The following DYSF variants were observed in gnomAD, a reference collection of about 807,000 sequenced individuals.
DYSF encodes dystrophy-associated fer-1-like 1.
In DYSF, 212 loss-of-function variants were observed where a neutral mutation model predicts 274.9. That is an observed-to-expected ratio of 0.77 (90% CI 0.69 to 0.86). The LOEUF (loss-of-function observed/expected upper bound fraction) is 0.86. Ranked by LOEUF, DYSF falls within the 40% of genes least tolerant of loss-of-function variation. The pLI is 0.00. For synonymous variants in DYSF, 1,091 were observed against 1,078.7 expected (o/e 1.01, Z -0.22); for missense variants, 2,666 against 2,783.2 (o/e 0.96, Z 0.95).
intron 52 of DYSF, 75 bp from the exon 53 acceptor site, chr2:71,678,982 C>G (rs1639904729): frequency 4.2e-6 from 6 of 1,424,762 alleles, no homozygotes; most frequent in Non-Finnish European, 5.9e-6. Flanking sequence ...TTTCCTGAAC[C>G]TGCCCTGCCT....
chr2:71,618,961 C>T (rs532242272), intron 40 of DYSF, among the ~76,000 whole-genome samples: 62 of 151,904 alleles, frequency 4.1e-4, no homozygotes, highest in Non-Finnish European at 7.9e-4. Context: ...CCTGCTGCTC[C>T]AGTTATAGTC....
chr2:71,609,804 G>C lies in DYSF; in HGVS notation c.3958-1441G>C, dbSNP rs1338855720. 4.6e-5 allele frequency among the ~76,000 whole-genome samples: 7 copies of C among 152,184 alleles called. 1 individual carries two copies. The highest frequency in any genetic ancestry group is 4.6e-4 in the Admixed American group (7 of 15,286). ...GTGAAGTGATTCATGGAGGTGGGGG[G>C]AAGCTGATATCTTTCTCTGCTTTGA... On this transcript the variant is annotated intron_variant, in intron 36 of 55. Coordinates refer to ENST00000410020, the MANE Select transcript of DYSF (RefSeq NM_001130987.2).
At chr2:71,650,301 C>G (rs1450668802) in intron 42 of DYSF, among the ~76,000 whole-genome samples, 2 of 152,062 alleles carry the variant, frequency 1.3e-5, no homozygotes, top group East Asian at 3.9e-4. Context: ...GTCAATACAG[C>G]GAAACTCTGT....
At chr2:71,670,074 C>T (rs2095092648) in intron 51 of DYSF, among the ~76,000 whole-genome samples, 1 of 152,220 alleles carries the variant, frequency 6.6e-6, no homozygotes, top group Admixed American at 6.5e-5. Flanking sequence ...ATTCATGGCA[C>T]TACCGTGGTC....
intron 30 of DYSF, among the ~76,000 whole-genome samples, chr2:71,585,201 A>G (rs977352608): frequency 2.0e-5 from 3 of 152,240 alleles, no homozygotes; most frequent in African/African-American, 4.8e-5. Context: ...GACGCACAGG[A>G]CAGCCTCATA....
chr2:71,466,857 G>A lies in DYSF; in HGVS notation c.15G>A (p.Leu5=), dbSNP rs1363671337. 8 of 1,542,108 alleles carry A rather than the reference G, an allele frequency of 5.2e-6. No individual in the cohort carries two copies. The South Asian group carries it at 8.4e-5, about 16-fold the overall frequency. The change falls in exon 1 of 56, where the codon CTG becomes CTA. Residue 5 remains leucine, a synonymous_variant. Transcript: ENST00000410020. The part of the protein sequence containing the change: MLCC[L]LVRASNLPSA... ...GCTGCCCAGCCATGCTGTGCTGCCT[G>A]CTGGTGAGGGCCAGCAACCTCCCCA...
Position 71,660,550 on chromosome 2 carries a change from C to T in DYSF, c.4912-10C>T, listed in dbSNP as rs1372625328. 1.9e-6 allele frequency: 3 copies of T among 1,611,856 alleles called. No homozygotes were observed. Among genetic ancestry groups the T allele is most frequent in the South Asian group, 1.1e-5 (1 of 91,032 alleles). ...GTGTTTTCACAGAAGTGTTTTGTCTCCTCCTCCAGTGTGATCCTTACATCA... is the reference window on the plus strand; with the variant it reads ...GTGTTTTCACAGAAGTGTTTTGTCTTCTCCTCCAGTGTGATCCTTACATCA... On this transcript the variant is annotated splice_polypyrimidine_tract_variant and intron_variant, in intron 44 of 55. Transcript: ENST00000410020.
intron 53 of DYSF, 128 bp from the exon 54 acceptor site, chr2:71,680,873 T>C (rs560268621): frequency 3.8e-6 from 3 of 779,264 alleles, no homozygotes; most frequent in African/African-American, 3.5e-5. Context: ...GCTGCTTTTA[T>C]GTTCAGAAAC....
Position 71,686,538 on chromosome 2 carries a change from T to C in DYSF, c.*46T>C. On this transcript the variant is annotated 3_prime_UTR_variant, in exon 56 of 56. Transcript: ENST00000410020. ...AGGGGCCGTGGGGTCCCCTCCAGCA[T>C]GGGACTGGCCTGCCTCCTCCGCCCA... 1 of 1,611,242 alleles carries C rather than the reference T, an allele frequency of 6.2e-7. No individual in the cohort carries two copies. The highest frequency in any genetic ancestry group is 8.5e-7 in the Non-Finnish European group (1 of 1,177,880).
At chr2:71,618,331 GGT>G (rs2093976074) in intron 40 of DYSF, among the ~76,000 whole-genome samples, 3 of 19,390 alleles carry the variant, frequency 1.5e-4, no homozygotes, top group Non-Finnish European at 2.6e-4. Context: ...GTAGAGATGG[GGT>G]GTGTGTGTGG....
chr2:71,492,162 T>G (rs1021392460), intron 3 of DYSF, among the ~76,000 whole-genome samples: 1 of 152,244 alleles, frequency 6.6e-6, no homozygotes, highest in Non-Finnish European at 1.5e-5. Context: ...TTCTTTTGTC[T>G]TTCTCTAGAC....
chr2:71,659,836 T>A (rs950647134), intron 44 of DYSF, among the ~76,000 whole-genome samples: 4 of 151,990 alleles, frequency 2.6e-5, no homozygotes, highest in African/African-American at 9.7e-5. Flanking sequence ...GAGGCAGGGG[T>A]GGGGCCTGAT....
At chr2:71,539,559 G>C (rs1559110538) in intron 17 of DYSF, among the ~76,000 whole-genome samples, 1 of 152,100 alleles carries the variant, frequency 6.6e-6, no homozygotes, top group Non-Finnish European at 1.5e-5. Context: ...AGTTTCAAAA[G>C]CTATTGAAAT....
chr2:71,614,092 G>A (rs1004492814), intron 40 of DYSF, among the ~76,000 whole-genome samples: 5 of 152,142 alleles, frequency 3.3e-5, no homozygotes, highest in Admixed American at 6.5e-5. Flanking sequence ...TTGTGCTGAG[G>A]GGCAGCGCTC....
intron 40 of DYSF, among the ~76,000 whole-genome samples, chr2:71,614,692 T>G (rs1431175263): frequency 6.6e-6 from 1 of 152,168 alleles, no homozygotes; most frequent in East Asian, 1.9e-4. Context: ...CCTCTTTGTA[T>G]TCTCAATGCT....
At chr2:71,519,507 C>T (rs1173376559) in intron 10 of DYSF, among the ~76,000 whole-genome samples, 2 of 152,186 alleles carry the variant, frequency 1.3e-5, no homozygotes, top group Non-Finnish European at 2.9e-5. Flanking sequence ...CCCCTGCAGC[C>T]TTCCCCACTA....
At chr2:71,668,948 A>C (rs1048276030) in intron 49 of DYSF, 106 bp downstream of exon 49, 1 of 1,370,722 alleles carries the variant, frequency 7.3e-7, no homozygotes, top group Non-Finnish European at 1.0e-6. Flanking sequence ...GCTTCAGGCT[A>C]TTTGGGCCAT....
Position 71,564,046 on chromosome 2 carries a change from C to A in DYSF, c.2410-12C>A, listed in dbSNP as rs769461647. The A allele has an allele frequency of 1.9e-6, 3 of 1,613,868 alleles. No individual in the cohort carries two copies. Among genetic ancestry groups the A allele is most frequent in the South Asian group, 2.2e-5 (2 of 91,076 alleles). ...GTCACCATCCCCACCCCGACCACCA[C>A]CCTCTGTTCAGCCCCAGAACAGCCT... On this transcript the variant is annotated splice_polypyrimidine_tract_variant and intron_variant, in intron 23 of 55. Transcript: ENST00000410020.
intron 40 of DYSF, among the ~76,000 whole-genome samples, chr2:71,619,108 G>A (rs748717880): frequency 4.6e-5 from 7 of 152,058 alleles, no homozygotes; most frequent in Non-Finnish European, 7.4e-5. Context: ...TTTTGCTCTG[G>A]TGAACTGCCG....
Sources: gnomAD v4.1 joint callset for allele counts (sites outside exome capture counted in the v4.1 genomes callset) on GRCh38, gnomAD v4.1.1 for gene constraint, MANE v1.5 for transcripts, NCBI Gene and HGNC (gene_info 2026-07-23, HGNC 2026-07-21) for gene names.